SLC13A3: variants seen among roughly 807,000 people sequenced by gnomAD.
SLC13A3 encodes the protein solute carrier family 13 member 3.
A neutral mutation model predicts 59.0 loss-of-function variants in SLC13A3; 40 were observed. The ratio of observed to expected loss-of-function variants is 0.68; its 90% CI spans 0.53 to 0.88. The LOEUF is 0.88. SLC13A3 is among the 40% of genes least tolerant of loss of function. The pLI is 0.00. For synonymous variants in SLC13A3, 317 were observed against 330.3 expected, an observed-to-expected ratio of 0.96 and a Z score of 0.44; for missense variants, 699 against 783.2, an observed-to-expected ratio of 0.89 and a Z score of 1.28.
chr20:46,603,794 A>G (rs2062406808), intron 3 of SLC13A3, among the ~76,000 whole-genome samples: 1 of 151,962 alleles, frequency 6.6e-6, no homozygotes, highest in South Asian at 2.1e-4. Context: ...CCCAGGCTGT[A>G]AAAAAACAAG....
chr20:46,683,934 G>A (rs982208444), intron 1 of SLC13A3, among the ~76,000 whole-genome samples: 1 of 152,108 alleles, frequency 6.6e-6, no homozygotes, highest in African/African-American at 2.4e-5. Context: ...TGCCCTCTAT[G>A]GTTTTCTGCC....
upstream of SLC13A3, chr20:46,673,527 C>G (rs937305731): frequency 2.0e-5 from 3 of 152,290 alleles, no homozygotes; most frequent in African/African-American, 7.2e-5. Flanking sequence ...GTGCACCCTC[C>G]CCAAGCTCCC....
intron 8 of SLC13A3, chr20:46,585,649 A>G: frequency 7.8e-7 from 1 of 1,280,552 alleles, no homozygotes; most frequent in Non-Finnish European, 1.0e-6. Flanking sequence ...ATTGTTTAAA[A>G]GTCAGGAAAG....
At chr20:46,636,275 AT>A (rs1182873605) in intron 1 of SLC13A3, among the ~76,000 whole-genome samples, 1 of 152,096 alleles carries the variant, frequency 6.6e-6, no homozygotes, top group Non-Finnish European at 1.5e-5. Context: ...GATCTTGCTT[AT>A]TTATCCCTCG....
At chr20:46,585,985 C>CA (rs1361932977) in intron 8 of SLC13A3, among the ~76,000 whole-genome samples, 1 of 152,044 alleles carries the variant, frequency 6.6e-6, no homozygotes, top group Non-Finnish European at 1.5e-5. Context: ...TGAAATGTGG[C>CA]AAGACCAAAC....
intron 8 of SLC13A3, among the ~76,000 whole-genome samples, chr20:46,586,872 T>C (rs1279816299): frequency 6.6e-6 from 1 of 152,230 alleles, no homozygotes; most frequent in Admixed American, 6.5e-5. Context: ...GGTGTTTGTC[T>C]GGACTCACAT....
At chr20:46,587,393 C>T (rs914368742) in intron 8 of SLC13A3, among the ~76,000 whole-genome samples, 4 of 152,130 alleles carry the variant, frequency 2.6e-5, no homozygotes, top group South Asian at 2.1e-4. Context: ...ATAACATGCC[C>T]GAAAAGACAC....
intron 10 of SLC13A3, among the ~76,000 whole-genome samples, chr20:46,571,194 C>T (rs1352943428): frequency 6.6e-6 from 1 of 152,158 alleles, no homozygotes; most frequent in Non-Finnish European, 1.5e-5. Context: ...CCCACCAGGT[C>T]CCATGACATG....
At chr20:46,573,587 T>G (rs1420071903) in intron 10 of SLC13A3, among the ~76,000 whole-genome samples, 1 of 152,242 alleles carries the variant, frequency 6.6e-6, no homozygotes, top group Admixed American at 6.5e-5. Context: ...ACATGAGGAT[T>G]TATGAGCTGG....
chr20:46,608,903 CA>C, intron 3 of SLC13A3: 4 of 1,550,750 alleles, frequency 2.6e-6, no homozygotes, highest in Non-Finnish European at 3.5e-6. Flanking sequence ...ATCATATTCA[CA>C]TTCCACCCGG....
At chr20:46,600,490 C>T (rs1034039000) in intron 3 of SLC13A3, 1 of 233,216 alleles carries the variant, frequency 4.3e-6, no homozygotes, top group African/African-American at 2.3e-5. Context: ...ATTCTATCCT[C>T]CTGTCCTACC....
chr20:46,650,450 C>A (rs1004976682), intron 1 of SLC13A3, among the ~76,000 whole-genome samples: 1 of 152,172 alleles, frequency 6.6e-6, no homozygotes, highest in Non-Finnish European at 1.5e-5. Flanking sequence ...GGCAAATCCT[C>A]ACCCGTAGTA....
At chr20:46,656,028 A>G (rs2062986812), upstream of SLC13A3, among the ~76,000 whole-genome samples, 1 of 143,714 alleles carries the variant, frequency 7.0e-6, no homozygotes, top group African/African-American at 2.5e-5. Flanking sequence ...GTATATATAC[A>G]TATACTACAG....
chr20:46,618,638 C>G (rs1299530362), intron 1 of SLC13A3, among the ~76,000 whole-genome samples: 6 of 152,220 alleles, frequency 3.9e-5, no homozygotes, highest in Non-Finnish European at 7.3e-5. Context: ...GTCTTTGAAG[C>G]AAAGAGCAAG....
At chr20:46,575,774 A>C in intron 9 of SLC13A3, 89 bp from the exon 10 acceptor site, 1 of 694,476 alleles carries the variant, frequency 1.4e-6, no homozygotes, top group Non-Finnish European at 2.3e-6. Flanking sequence ...TACCGGGGAC[A>C]CTCAGGGGTC....
intron 8 of SLC13A3, among the ~76,000 whole-genome samples, chr20:46,586,972 A>C (rs544921801): frequency 1.3e-5 from 2 of 152,348 alleles, no homozygotes; most frequent in East Asian, 3.9e-4. Context: ...CAGACACTGA[A>C]ATTTGAATTT....
chr20:46,653,919 T>C (rs530114076), upstream of SLC13A3, among the ~76,000 whole-genome samples: 2 of 152,280 alleles, frequency 1.3e-5, no homozygotes, highest in Admixed American at 1.3e-4. Context: ...ACAAAGAGTA[T>C]CTGTCTGAGT....
At chr20:46,656,222 G>C (rs1261866975), upstream of SLC13A3, among the ~76,000 whole-genome samples, 1 of 141,142 alleles carries the variant, frequency 7.1e-6, no homozygotes, top group African/African-American at 2.6e-5. Flanking sequence ...TACTGTATGT[G>C]ATGTAGACTG....
intron 1 of SLC13A3, among the ~76,000 whole-genome samples, chr20:46,658,458 A>C (rs2063008264): frequency 6.6e-6 from 1 of 152,162 alleles, no homozygotes; most frequent in Non-Finnish European, 1.5e-5. Context: ...AAATTCCATC[A>C]AACTGATCAT....
Sources: allele counts gnomAD v4.1 joint callset (sites outside exome capture counted in the v4.1 genomes callset), GRCh38; gene constraint gnomAD v4.1.1; transcripts MANE v1.5; gene names NCBI Gene and HGNC (gene_info 2026-07-23, HGNC 2026-07-21).